The following ERC2 variants were observed in gnomAD, a reference collection of about 807,000 sequenced individuals.
ERC2 encodes the protein ERC protein 2.
ERC2 carries 42 observed loss-of-function variants against 114.8 expected under a neutral mutation model. That is an observed-to-expected ratio of 0.37 (90% CI 0.29 to 0.47). The LOEUF is 0.47. Ranked by LOEUF, ERC2 falls within the 20% of genes least tolerant of loss-of-function variation. ERC2 has a pLI of 0.99. For missense variants in ERC2, 939 were observed against 1,150.7 expected, an observed-to-expected ratio of 0.82 and a Z score of 2.66; for synonymous variants, 454 against 425.5, an observed-to-expected ratio of 1.07 and a Z score of -0.82.
At chr3:55,948,710 G>T (rs934774826) in intron 13 of ERC2, among the ~76,000 whole-genome samples, 32 of 152,128 alleles carry the variant, frequency 2.1e-4, no homozygotes, top group African/African-American at 7.2e-4. Context: ...AAGTTCATGG[G>T]CCAAAACAAG....
At chr3:55,531,735 A>C (rs969526661) in intron 17 of ERC2, among the ~76,000 whole-genome samples, 3 of 152,196 alleles carry the variant, frequency 2.0e-5, no homozygotes, top group Admixed American at 1.3e-4. Context: ...AGCGATAGAA[A>C]TGAATTCCCC....
chr3:55,985,396 G>A (rs1376291369), intron 12 of ERC2, among the ~76,000 whole-genome samples: 1 of 152,150 alleles, frequency 6.6e-6, no homozygotes, highest in Non-Finnish European at 1.5e-5. Flanking sequence ...TAAAATTGAA[G>A]TTAGAAAGTT....
intron 3 of ERC2, among the ~76,000 whole-genome samples, chr3:56,196,543 T>A (rs961693150): frequency 6.6e-6 from 1 of 150,510 alleles, no homozygotes; most frequent in Admixed American, 6.7e-5. Flanking sequence ...CTTCTTGAGA[T>A]GAGTTATTGA....
intron 17 of ERC2, among the ~76,000 whole-genome samples, chr3:55,550,934 T>A (rs1321771653): frequency 6.7e-6 from 1 of 148,774 alleles, no homozygotes; most frequent in African/African-American, 2.5e-5. Flanking sequence ...AAGAATGGCG[T>A]GAACCTGGGA....
At chr3:55,821,548 C>T (rs933367906) in intron 14 of ERC2, among the ~76,000 whole-genome samples, 1 of 152,196 alleles carries the variant, frequency 6.6e-6, no homozygotes, top group African/African-American at 2.4e-5. Context: ...ACAGAAGATT[C>T]ACAGTGATGC....
At chr3:55,576,714 C>T (rs2057000430) in intron 17 of ERC2, among the ~76,000 whole-genome samples, 1 of 152,274 alleles carries the variant, frequency 6.6e-6, no homozygotes, top group African/African-American at 2.4e-5. Context: ...CAGCCGTCCC[C>T]TGTATCTTTA....
chr3:56,054,667 A>C (rs558459186), intron 7 of ERC2, among the ~76,000 whole-genome samples: 2 of 152,320 alleles, frequency 1.3e-5, no homozygotes, highest in Admixed American at 6.5e-5. Flanking sequence ...GCTTCAAGGG[A>C]TACAACAACT....
intron 17 of ERC2, among the ~76,000 whole-genome samples, chr3:55,533,394 C>T (rs1237249308): frequency 1.3e-5 from 2 of 152,210 alleles, no homozygotes; most frequent in Non-Finnish European, 2.9e-5. Flanking sequence ...AGTATTCACA[C>T]GAATCACCTT....
intron 2 of ERC2, among the ~76,000 whole-genome samples, chr3:56,368,677 G>A (rs2150580129): frequency 6.6e-6 from 1 of 152,210 alleles, no homozygotes; most frequent in Non-Finnish European, 1.5e-5. Flanking sequence ...TAGTAGTTCT[G>A]TCCTGCTGCA....
At chr3:56,110,031 T>C (rs545276213) in intron 6 of ERC2, among the ~76,000 whole-genome samples, 1 of 152,188 alleles carries the variant, frequency 6.6e-6, no homozygotes, top group South Asian at 2.1e-4. Context: ...TAATATGAGA[T>C]TACACTAGAC....
At chr3:55,854,997 C>G (rs1291943691) in intron 14 of ERC2, among the ~76,000 whole-genome samples, 1 of 152,168 alleles carries the variant, frequency 6.6e-6, no homozygotes, top group African/African-American at 2.4e-5. Flanking sequence ...GCACGATGCT[C>G]AAAGTATGAT....
intron 14 of ERC2, among the ~76,000 whole-genome samples, chr3:55,839,079 T>C (rs993086541): frequency 1.3e-5 from 2 of 151,376 alleles, no homozygotes; most frequent in African/African-American, 2.4e-5. Flanking sequence ...TAAAGAGAAA[T>C]TTTAAAAGGA....
chr3:55,895,493 A>C (rs1448165622), intron 13 of ERC2, among the ~76,000 whole-genome samples: 1 of 152,202 alleles, frequency 6.6e-6, no homozygotes, highest in Non-Finnish European at 1.5e-5. Context: ...CCTGGAAGGC[A>C]CCAGCACATG....
intron 8 of ERC2, among the ~76,000 whole-genome samples, chr3:56,014,823 T>G (rs182673858): frequency 5.9e-5 from 9 of 152,264 alleles, no homozygotes; most frequent in Admixed American, 1.3e-4. Context: ...ATATGCTAAA[T>G]GAACACATAA....
chr3:55,676,441 C>CTTATATTATTATTA (rs1553625293), intron 17 of ERC2, among the ~76,000 whole-genome samples: 2 of 142,200 alleles, frequency 1.4e-5, no homozygotes, highest in African/African-American at 5.2e-5. Flanking sequence ...TACTGAGCTG[C>CTTATATTATTATTA]TTATTATTAT....
chr3:56,093,795 T>C (rs1045422566), intron 6 of ERC2, among the ~76,000 whole-genome samples: 1 of 152,224 alleles, frequency 6.6e-6, no homozygotes, highest in Non-Finnish European at 1.5e-5. Context: ...ACTAGGTGTC[T>C]ACAAGGTTGT....
chr3:55,589,332 G>A (rs913401290), intron 17 of ERC2, among the ~76,000 whole-genome samples: 1 of 152,044 alleles, frequency 6.6e-6, no homozygotes, highest in African/African-American at 2.4e-5. Flanking sequence ...TGGTTGGTGC[G>A]CAAACGAGCA....
At chr3:55,891,000 C>A (rs556611253) in intron 13 of ERC2, among the ~76,000 whole-genome samples, 1 of 152,170 alleles carries the variant, frequency 6.6e-6, no homozygotes, top group African/African-American at 2.4e-5. Flanking sequence ...TTCTAGAGAA[C>A]TGAAAACTGT....
chr3:55,891,857 A>G (rs530396003), intron 13 of ERC2, among the ~76,000 whole-genome samples: 1 of 152,214 alleles, frequency 6.6e-6, no homozygotes, highest in Non-Finnish European at 1.5e-5. Flanking sequence ...GCAGACCACA[A>G]GTAACTCCCT....
Sources: allele counts gnomAD v4.1 joint callset (sites outside exome capture counted in the v4.1 genomes callset), GRCh38; gene constraint gnomAD v4.1.1; transcripts MANE v1.5; gene names NCBI Gene and HGNC (gene_info 2026-07-23, HGNC 2026-07-21).